Variants in CFAP299 observed in about 807,000 individuals in gnomAD.
CFAP299 encodes the protein cilia and flagella associated protein 299.
In CFAP299, 21 loss-of-function variants were observed where a neutral mutation model predicts 27.0. The ratio of observed to expected loss-of-function variants is 0.78; its 90% CI spans 0.55 to 1.12. The LOEUF (loss-of-function observed/expected upper bound fraction) is 1.12, where lower values mean the gene tolerates loss of function less well. Ranked by LOEUF, CFAP299 falls within the 50% of genes most tolerant of loss-of-function variation. The pLI is 0.00. For synonymous variants in CFAP299, 104 were observed against 98.1 expected (o/e 1.06, Z -0.36); for missense variants, 310 against 276.6 (o/e 1.12, Z -0.86).
rs1725139479 is a variant in CFAP299, at chr4:80,388,403, G to T, written c.242+25519G>T. The T allele has an allele frequency of 1.5e-5, 11 of 724,870 alleles. No homozygotes were observed. In the South Asian group the frequency reaches 1.7e-4, roughly 11 times the overall value. The allele number at this position is 724,870 out of a possible 1,614,324, so 44.9% of individuals were successfully genotyped here. A position where few individuals can be genotyped will look rare whatever the true frequency, so the allele number is the denominator to read the frequency against. On this transcript the variant is annotated intron_variant, in intron 2 of 5. Coordinates refer to ENST00000358105, the MANE Select transcript of CFAP299 (RefSeq NM_152770.3). ...GGCAGGAGGCGAGGCCTGCTGGACC[G>T]CTGTGGGTGCTGCCGAAGGTGTGTA...
At chr4:80,558,003 A>G (rs1202575765) in intron 2 of CFAP299, among the ~76,000 whole-genome samples, 3 of 150,408 alleles carry the variant, frequency 2.0e-5, no homozygotes, top group African/African-American at 7.3e-5. Flanking sequence ...TGGGATCAAA[A>G]ATCACTAGAA....
intron 4 of CFAP299, among the ~76,000 whole-genome samples, chr4:80,930,811 T>C (rs1736576154): frequency 6.6e-6 from 1 of 152,160 alleles, no homozygotes; most frequent in Non-Finnish European, 1.5e-5. Context: ...CTTTCTTAGT[T>C]GGAAGGCCAT....
chr4:80,852,346 C>T (rs987157663), intron 3 of CFAP299, among the ~76,000 whole-genome samples: 1 of 152,120 alleles, frequency 6.6e-6, no homozygotes, highest in Admixed American at 6.5e-5. Context: ...GCAATCTGTG[C>T]TTTGCAAGCC....
chr4:80,682,966 A>C (rs1403295390), intron 3 of CFAP299, among the ~76,000 whole-genome samples: 1 of 152,322 alleles, frequency 6.6e-6, no homozygotes, highest in South Asian at 2.1e-4. Context: ...CCAATTTGCT[A>C]TATCAATTCA....
At position 80,816,921 on chromosome 4, in the gene CFAP299, G is replaced by A. The variant is rs572102875; in HGVS notation, c.334-53072G>A. The stretch of plus-strand genomic sequence containing the variant: ...GTGTTGGGCTGCATTCAAAGCTGTC[G>A]GGAGCCACATGCAGCCCATGGGCCA... On this transcript the variant is annotated intron_variant, in intron 3 of 5. Transcript: ENST00000358105. Among the ~76,000 whole-genome samples, 531 of 152,212 alleles carry A rather than the reference G, an allele frequency of 3.5e-3. 16 individuals are homozygous for A. The highest frequency in any genetic ancestry group is 5.4e-4 in the Non-Finnish European group (37 of 68,012).
chr4:80,592,390 A>G (rs1736832845), intron 3 of CFAP299, among the ~76,000 whole-genome samples: 1 of 152,214 alleles, frequency 6.6e-6, no homozygotes, highest in South Asian at 2.1e-4. Context: ...TATAAATTGT[A>G]AGAAAAAACT....
intron 2 of CFAP299, among the ~76,000 whole-genome samples, chr4:80,555,640 G>C (rs1734744755): frequency 6.6e-6 from 1 of 151,938 alleles, no homozygotes; most frequent in Admixed American, 6.6e-5. Context: ...GCTTTTTTTG[G>C]TTGATAGGCT....
At chr4:80,852,787 G>C (rs1023092400) in intron 3 of CFAP299, among the ~76,000 whole-genome samples, 1 of 152,100 alleles carries the variant, frequency 6.6e-6, no homozygotes, top group African/African-American at 2.4e-5. Flanking sequence ...CAAGTGTAAA[G>C]TTCTCTTTCT....
chr4:80,663,770 T>C (rs1214299366), intron 3 of CFAP299, among the ~76,000 whole-genome samples: 2 of 152,222 alleles, frequency 1.3e-5, no homozygotes, highest in Non-Finnish European at 2.9e-5. Flanking sequence ...AAACCTTTCC[T>C]ATTTCTCCAC....
chr4:80,878,878 C>T (rs758705664), intron 4 of CFAP299, among the ~76,000 whole-genome samples: 1 of 152,034 alleles, frequency 6.6e-6, no homozygotes, highest in Non-Finnish European at 1.5e-5. Flanking sequence ...GAGATATTGT[C>T]TTATCAGAGA....
At chr4:80,947,134 C>A (rs1327353920) in intron 5 of CFAP299, among the ~76,000 whole-genome samples, 1 of 152,072 alleles carries the variant, frequency 6.6e-6, no homozygotes, top group East Asian at 1.9e-4. Flanking sequence ...AAATAGTCAA[C>A]CATGAGATTT....
At chr4:80,780,044 C>A (rs1726781326) in intron 3 of CFAP299, among the ~76,000 whole-genome samples, 1 of 151,876 alleles carries the variant, frequency 6.6e-6, no homozygotes. Flanking sequence ...ATATTTTTTT[C>A]ATATTCCTAC....
At chr4:80,407,561 G>A (rs1001340669) in intron 2 of CFAP299, among the ~76,000 whole-genome samples, 19 of 152,306 alleles carry the variant, frequency 1.2e-4, no homozygotes, top group African/African-American at 4.1e-4. Context: ...CCTGGGCTTA[G>A]AACTGGAACC....
intron 3 of CFAP299, among the ~76,000 whole-genome samples, chr4:80,616,726 C>A (rs1189467328): frequency 1.3e-5 from 2 of 151,746 alleles, no homozygotes; most frequent in East Asian, 1.9e-4. Flanking sequence ...AACATACTAG[C>A]CAGATAAAAG....
At chr4:80,463,926 C>A (rs190670122) in intron 2 of CFAP299, among the ~76,000 whole-genome samples, 1 of 152,050 alleles carries the variant, frequency 6.6e-6, no homozygotes, top group African/African-American at 2.4e-5. Flanking sequence ...CAACTGGACC[C>A]GCTCTTCATT....
chr4:80,911,253 T>C (rs1365910253), intron 4 of CFAP299, among the ~76,000 whole-genome samples: 2 of 151,322 alleles, frequency 1.3e-5, no homozygotes, highest in East Asian at 3.9e-4. Flanking sequence ...TATCTTCTTT[T>C]CTATATTGTA....
chr4:80,414,231 C>T (rs113120315), intron 2 of CFAP299, among the ~76,000 whole-genome samples: 28,584 of 150,770 alleles, frequency 0.19, 2,882 homozygotes, highest in South Asian at 0.29. Context: ...CCACTACGCC[C>T]GGCTAATTTT....
chr4:80,371,282 A>G lies in CFAP299; in HGVS notation c.242+8398A>G, dbSNP rs1296470618. Among the ~76,000 whole-genome samples the G allele has an allele frequency of 2.6e-5, 4 of 152,246 alleles. No individual in the cohort carries two copies. The East Asian group carries it at 7.7e-4, about 29-fold the overall frequency. On this transcript the variant is annotated intron_variant, in intron 2 of 5. Coordinates refer to ENST00000358105, the MANE Select transcript of CFAP299 (RefSeq NM_152770.3). ...ACACATAAAATTGTTCAGTCCTCCT[A>G]GGCCTCCAGGCCTGTGATGGGAGGG...
At chr4:80,888,386 G>A (rs1734076648) in intron 4 of CFAP299, among the ~76,000 whole-genome samples, 1 of 151,988 alleles carries the variant, frequency 6.6e-6, no homozygotes, top group Non-Finnish European at 1.5e-5. Context: ...GTGAGACAAA[G>A]AAGATCATTA....
Sources: allele counts gnomAD v4.1 joint callset (sites outside exome capture counted in the v4.1 genomes callset), GRCh38; gene constraint gnomAD v4.1.1; transcripts MANE v1.5; gene names NCBI Gene and HGNC (gene_info 2026-07-23, HGNC 2026-07-21).